The following BEND7 variants were observed in gnomAD, a reference collection of about 807,000 sequenced individuals.
BEND7 encodes BEN domain containing 7.
A neutral mutation model predicts 50.9 loss-of-function variants in BEND7; 28 were observed. That is an observed-to-expected ratio of 0.55 (90% CI 0.41 to 0.75). The LOEUF is 0.75. Among genes scored for constraint, BEND7 ranks in the 30% least tolerant of loss-of-function variants. BEND7 has a pLI of 0.00. For missense variants in BEND7, 477 were observed against 491.3 expected (o/e 0.97, Z 0.28); for synonymous variants, 170 against 183.9 (o/e 0.92, Z 0.61).
At position 13,447,245 on chromosome 10, in the gene BEND7, ATG is replaced by A; in HGVS notation, c.1234+19_1234+20del. 4 of 1,613,646 alleles carry A rather than the reference ATG, an allele frequency of 2.5e-6. No individual in the cohort carries two copies. Among genetic ancestry groups the A allele is most frequent in the Non-Finnish European group, 3.4e-6 (4 of 1,179,624 alleles). On this transcript the variant is annotated intron_variant, in intron 8 of 8. Transcript: ENST00000466271. ...CTGTATTTTCCAGGAGGTGATGAAA[ATG>A]TAAATGCGTTTTATTTACCTGTTGG...
At chr10:13,528,362 A>C in intron 1 of BEND7, 111 bp downstream of exon 1, 1 of 347,248 alleles carries the variant, frequency 2.9e-6, no homozygotes, top group Non-Finnish European at 4.0e-6. Context: ...GCACCGGGGG[A>C]CCGGGAAGGA....
chr10:13,472,144 A>G (rs1040007829), intron 6 of BEND7, among the ~76,000 whole-genome samples: 1 of 152,060 alleles, frequency 6.6e-6, no homozygotes, highest in African/African-American at 2.4e-5. Flanking sequence ...CATCGCTCTT[A>G]GACTCGGGGT....
chr10:13,471,283 TG>T (rs1160221392), intron 6 of BEND7, among the ~76,000 whole-genome samples: 1 of 152,266 alleles, frequency 6.6e-6, no homozygotes, highest in Non-Finnish European at 1.5e-5. Flanking sequence ...TCATGCCTGC[TG>T]ATGATTTCTA....
chr10:13,447,163 C>T (rs1027421044), intron 8 of BEND7, 103 bp downstream of exon 8: 30 of 1,240,470 alleles, frequency 2.4e-5, no homozygotes, highest in Non-Finnish European at 3.4e-5. Context: ...AAGCAGTTTG[C>T]TCAAGTGTCT....
intron 5 of BEND7, among the ~76,000 whole-genome samples, chr10:13,487,678 A>G (rs2027396): frequency 0.56 from 84,643 of 151,814 alleles, 24,414 homozygotes; most frequent in East Asian, 0.76. Flanking sequence ...GAGCCACCGC[A>G]CCTGGCCAAT....
At chr10:13,468,171 G>T (rs966092545) in intron 6 of BEND7, among the ~76,000 whole-genome samples, 1 of 152,134 alleles carries the variant, frequency 6.6e-6, no homozygotes, top group Admixed American at 6.5e-5. Context: ...ATAGCAAGGC[G>T]GAGAGTTAAG....
At chr10:13,527,981 G>C in intron 1 of BEND7, 1 of 276,658 alleles carries the variant, frequency 3.6e-6, no homozygotes, top group Non-Finnish European at 5.5e-6. Flanking sequence ...AGAGATGTTG[G>C]ATGTCAACAA....
intron 3 of BEND7, among the ~76,000 whole-genome samples, chr10:13,499,318 C>A (rs1208696000): frequency 2.6e-4 from 39 of 151,162 alleles, no homozygotes; most frequent in Admixed American, 2.6e-3. Context: ...GGGTTATCGG[C>A]CCCCCACCCC....
intron 2 of BEND7, among the ~76,000 whole-genome samples, chr10:13,512,507 GTTCACAATTTACTAT>G (rs1217015376): frequency 2.0e-5 from 3 of 152,160 alleles, no homozygotes; most frequent in Non-Finnish European, 4.4e-5. Flanking sequence ...ACAAGAAAAT[GTTCACAATTTACTAT>G]TTGCAAAGAG....
chr10:13,439,269 A>C (rs1003473687), downstream of BEND7: 1 of 1,614,140 alleles, frequency 6.2e-7, no homozygotes, highest in Non-Finnish European at 8.5e-7. Flanking sequence ...TGTAGCTGAG[A>C]CCTGAGTTAT....
chr10:13,505,639 A>G (rs1268596601), intron 2 of BEND7, among the ~76,000 whole-genome samples: 2 of 152,078 alleles, frequency 1.3e-5, no homozygotes, highest in Non-Finnish European at 2.9e-5. Flanking sequence ...GCCTGCCCCA[A>G]AGGGACCTGT....
intron 4 of BEND7, among the ~76,000 whole-genome samples, chr10:13,493,144 G>C (rs1030062310): frequency 1.3e-5 from 2 of 152,258 alleles, no homozygotes; most frequent in African/African-American, 2.4e-5. Context: ...TCAATGCAGG[G>C]AAAGGATCAT....
chr10:13,458,428 A>T (rs1265568963), intron 6 of BEND7, among the ~76,000 whole-genome samples: 1 of 152,228 alleles, frequency 6.6e-6, no homozygotes, highest in Non-Finnish European at 1.5e-5. Flanking sequence ...TGTGCTGGGA[A>T]AAGAAGAATG....
chr10:13,455,947 G>A (rs1008112730), intron 6 of BEND7, among the ~76,000 whole-genome samples: 5 of 152,284 alleles, frequency 3.3e-5, no homozygotes, highest in South Asian at 2.1e-4. Context: ...GCTATGCAGC[G>A]TGGCGGGAGT....
At chr10:13,470,574 C>G (rs966958798) in intron 6 of BEND7, among the ~76,000 whole-genome samples, 1 of 152,194 alleles carries the variant, frequency 6.6e-6, no homozygotes, top group African/African-American at 2.4e-5. Context: ...CCCTTCTTAA[C>G]AAGTTTCTCC....
chr10:13,457,700 A>G (rs1215302634), intron 6 of BEND7, among the ~76,000 whole-genome samples: 1 of 152,256 alleles, frequency 6.6e-6, no homozygotes, highest in African/African-American at 2.4e-5. Context: ...CAAACAGTCA[A>G]TATGCTATGT....
intron 2 of BEND7, among the ~76,000 whole-genome samples, chr10:13,524,385 G>A (rs1412520159): frequency 2.0e-5 from 3 of 152,194 alleles, no homozygotes; most frequent in Non-Finnish European, 2.9e-5. Context: ...GCTCACGCCT[G>A]TAATCCCAGC....
At chr10:13,451,037 A>G (rs916401304) in intron 7 of BEND7, among the ~76,000 whole-genome samples, 4 of 151,998 alleles carry the variant, frequency 2.6e-5, no homozygotes, top group African/African-American at 9.7e-5. Context: ...GCATCTGACA[A>G]TAGAAGGAAA....
chr10:13,458,043 C>T (rs1463386464), intron 6 of BEND7, among the ~76,000 whole-genome samples: 1 of 152,192 alleles, frequency 6.6e-6, no homozygotes, highest in Non-Finnish European at 1.5e-5. Flanking sequence ...AATAAAAGAG[C>T]TAAAGCATCT....
Sources: allele counts gnomAD v4.1 joint callset (sites outside exome capture counted in the v4.1 genomes callset), GRCh38; gene constraint gnomAD v4.1.1; transcripts MANE v1.5; gene names NCBI Gene and HGNC (gene_info 2026-07-23, HGNC 2026-07-21).